ADGRB3: variants seen among roughly 807,000 people sequenced by gnomAD.
ADGRB3 encodes brain-specific angiogenesis inhibitor 3.
Under a neutral mutation model 193.4 loss-of-function variants are expected in ADGRB3, and 37 were observed. The observed-to-expected ratio is 0.19, with a 90% confidence interval of 0.15 to 0.25. The LOEUF (loss-of-function observed/expected upper bound fraction) is 0.25, where lower values mean the gene tolerates loss of function less well. Among genes scored for constraint, ADGRB3 ranks in the 10% least tolerant of loss-of-function variants. The pLI is 1.00. For synonymous variants in ADGRB3, 690 were observed against 644.2 expected (o/e 1.07, Z -1.08); for missense variants, 1,637 against 1,852.9 (o/e 0.88, Z 2.14).
At chr6:69,133,314 T>G (rs1050685196) in intron 17 of ADGRB3, among the ~76,000 whole-genome samples, 2 of 152,180 alleles carry the variant, frequency 1.3e-5, no homozygotes, top group Non-Finnish European at 2.9e-5. Flanking sequence ...CAGTGGTTTG[T>G]AGCTCTCCCT....
chr6:68,705,215 T>C (rs964490702), intron 3 of ADGRB3, among the ~76,000 whole-genome samples: 4 of 152,224 alleles, frequency 2.6e-5, no homozygotes, highest in African/African-American at 7.2e-5. Context: ...CAGCATTCTG[T>C]AACACTCAAT....
At chr6:68,760,672 G>A (rs949823668) in intron 3 of ADGRB3, among the ~76,000 whole-genome samples, 2 of 152,146 alleles carry the variant, frequency 1.3e-5, no homozygotes, top group African/African-American at 4.8e-5. Flanking sequence ...TGAAGTAGCA[G>A]CTGTCCACAC....
chr6:68,677,976 C>T (rs1259049521), intron 3 of ADGRB3, among the ~76,000 whole-genome samples: 1 of 151,890 alleles, frequency 6.6e-6, no homozygotes, highest in East Asian at 1.9e-4. Context: ...GATGAGATAT[C>T]ACCCTGTAAA....
intron 28 of ADGRB3, among the ~76,000 whole-genome samples, chr6:69,357,950 C>G (rs1439735496): frequency 6.6e-6 from 1 of 151,924 alleles, no homozygotes. Context: ...AGCCATGGTG[C>G]CAATTTCCAC....
At chr6:69,326,453 T>C (rs561849871) in intron 21 of ADGRB3, among the ~76,000 whole-genome samples, 2 of 152,248 alleles carry the variant, frequency 1.3e-5, no homozygotes, top group South Asian at 4.1e-4. Flanking sequence ...TCAAGATTAG[T>C]GACTACCTTG....
At chr6:68,824,422 A>G (rs965705105) in intron 3 of ADGRB3, among the ~76,000 whole-genome samples, 27 of 149,814 alleles carry the variant, frequency 1.8e-4, no homozygotes, top group African/African-American at 6.6e-4. Flanking sequence ...ATGTATTTAG[A>G]TATATTTACA....
chr6:69,252,641 A>T (rs1331081327), intron 20 of ADGRB3, among the ~76,000 whole-genome samples: 1 of 152,048 alleles, frequency 6.6e-6, no homozygotes, highest in African/African-American at 2.4e-5. Flanking sequence ...AGGCCATTTT[A>T]AATCCTCTAT....
chr6:68,771,597 T>C (rs1454631513), intron 3 of ADGRB3, among the ~76,000 whole-genome samples: 1 of 152,068 alleles, frequency 6.6e-6, no homozygotes, highest in Non-Finnish European at 1.5e-5. Context: ...AATACAGCAG[T>C]AATGAAACAA....
At chr6:69,309,940 A>G (rs1325222019) in intron 20 of ADGRB3, among the ~76,000 whole-genome samples, 2 of 151,540 alleles carry the variant, frequency 1.3e-5, no homozygotes, top group African/African-American at 4.8e-5. Context: ...GAAGACCCAA[A>G]AACACATTTC....
chr6:68,815,914 A>G (rs1169852647), intron 3 of ADGRB3, among the ~76,000 whole-genome samples: 3 of 152,050 alleles, frequency 2.0e-5, no homozygotes, highest in Non-Finnish European at 4.4e-5. Context: ...TATATCTTAA[A>G]TGAAAATCCT....
intron 31 of ADGRB3, among the ~76,000 whole-genome samples, chr6:69,384,854 A>G (rs1770029949): frequency 6.6e-6 from 1 of 151,994 alleles, no homozygotes; most frequent in African/African-American, 2.4e-5. Flanking sequence ...ATTATCTTTA[A>G]TTTAGTCACA....
At chr6:69,367,792 A>T (rs908682249) in intron 29 of ADGRB3, among the ~76,000 whole-genome samples, 3 of 152,058 alleles carry the variant, frequency 2.0e-5, no homozygotes, top group Admixed American at 2.0e-4. Context: ...TGGCACATAT[A>T]CACCATGGAA....
intron 20 of ADGRB3, among the ~76,000 whole-genome samples, chr6:69,256,346 T>C (rs1436775093): frequency 6.6e-6 from 1 of 152,186 alleles, no homozygotes; most frequent in Non-Finnish European, 1.5e-5. Context: ...CATGGAATGT[T>C]CTTCCATTTG....
intron 3 of ADGRB3, among the ~76,000 whole-genome samples, chr6:68,854,539 T>A (rs940036762): frequency 2.7e-5 from 4 of 149,178 alleles, no homozygotes; most frequent in East Asian, 2.2e-4. Flanking sequence ...TCTAAAAAAT[T>A]TTTTTTTGGA....
At chr6:68,827,105 G>A (rs1446433673) in intron 3 of ADGRB3, among the ~76,000 whole-genome samples, 1 of 152,120 alleles carries the variant, frequency 6.6e-6, no homozygotes, top group Non-Finnish European at 1.5e-5. Flanking sequence ...ATAAATTGTA[G>A]GGATTGAGTC....
chr6:68,676,595 C>T (rs915172283), intron 3 of ADGRB3, among the ~76,000 whole-genome samples: 4 of 152,118 alleles, frequency 2.6e-5, no homozygotes, highest in Non-Finnish European at 5.9e-5. Flanking sequence ...GAATCTCTTT[C>T]AAACTACATT....
intron 6 of ADGRB3, among the ~76,000 whole-genome samples, chr6:68,953,491 A>C (rs986801192): frequency 6.6e-6 from 1 of 152,180 alleles, no homozygotes. Flanking sequence ...AAGCTCAATA[A>C]ATGTTATCTT....
intron 22 of ADGRB3, among the ~76,000 whole-genome samples, chr6:69,329,534 T>A (rs1768665584): frequency 6.6e-6 from 1 of 152,258 alleles, no homozygotes. Context: ...ATAACTCGTG[T>A]AACCACCATC....
chr6:69,302,146 C>T (rs1165466580), intron 20 of ADGRB3, among the ~76,000 whole-genome samples: 1 of 151,762 alleles, frequency 6.6e-6, no homozygotes, highest in Non-Finnish European at 1.5e-5. Context: ...ATGAAAGTGT[C>T]CTATTCTGGA....
Sources: gnomAD v4.1 joint callset for allele counts (sites outside exome capture counted in the v4.1 genomes callset) on GRCh38, gnomAD v4.1.1 for gene constraint, MANE v1.5 for transcripts, NCBI Gene and HGNC (gene_info 2026-07-23, HGNC 2026-07-21) for gene names.